The following NWD2 variants were observed in gnomAD, a reference collection of about 807,000 sequenced individuals.
NWD2 encodes the protein NACHT and WD repeat domain containing 2, also known as NACHT and WD repeat domain-containing protein 2.
NWD2 carries 37 observed loss-of-function variants against 132.7 expected under a neutral mutation model. The ratio of observed to expected loss-of-function variants is 0.28; its 90% CI spans 0.21 to 0.37. NWD2 has a LOEUF of 0.37. Among genes scored for constraint, NWD2 ranks in the 10% least tolerant of loss-of-function variants. NWD2 has a pLI of 1.00. For synonymous variants in NWD2, 705 were observed against 803.0 expected, an observed-to-expected ratio of 0.88 and a Z score of 2.06; for missense variants, 1,592 against 2,122.4, an observed-to-expected ratio of 0.75 and a Z score of 4.91.
intron 3 of NWD2, among the ~76,000 whole-genome samples, chr4:37,422,056 C>T (rs1243088350): frequency 6.6e-6 from 1 of 152,166 alleles, no homozygotes; most frequent in Non-Finnish European, 1.5e-5. Flanking sequence ...TAACCTTAAT[C>T]ACCTCCTTGA....
chr4:37,355,768 G>T (rs978416087), intron 2 of NWD2, among the ~76,000 whole-genome samples: 4 of 152,120 alleles, frequency 2.6e-5, no homozygotes, highest in African/African-American at 9.7e-5. Context: ...TCACTTTTCT[G>T]TAAGGCATAC....
intron 3 of NWD2, among the ~76,000 whole-genome samples, chr4:37,369,896 G>A (rs1720181212): frequency 6.6e-6 from 1 of 152,118 alleles, no homozygotes; most frequent in Non-Finnish European, 1.5e-5. Context: ...CACAGATATG[G>A]GATGGCTTTG....
Position 37,443,797 on chromosome 4 carries a change from A to G in NWD2, c.1809A>G (p.Ala603=), listed in dbSNP as rs377712776. The G allele has an allele frequency of 7.7e-6, 12 of 1,552,010 alleles. No individual in the cohort carries two copies. In the African/African-American group the frequency reaches 1.2e-4, roughly 16 times the overall value. Residue 603 remains alanine (A), a synonymous_variant, in exon 7 of 7, where the codon GCA becomes GCG. Coordinates refer to ENST00000309447, the MANE Select transcript of NWD2 (RefSeq NM_001144990.2). The surrounding 1 kb of genome is among the most constrained non-coding windows in gnomAD (Gnocchi z 4.1). ...GCCAGCAGATTTATGTGAACAATGC[A>G]TTATCCAAGTGCACACTGCCAATGT... The part of the protein sequence containing the change: ...TSGQQIYVNN[A]LSKCTLPMFV...
chr4:37,355,222 A>G (rs1719848993), intron 2 of NWD2, among the ~76,000 whole-genome samples: 1 of 152,206 alleles, frequency 6.6e-6, no homozygotes, highest in African/African-American at 2.4e-5. Flanking sequence ...GTATTGTGTG[A>G]TTAAACTTTG....
chr4:37,343,618 C>T (rs942226768), intron 2 of NWD2, among the ~76,000 whole-genome samples: 1 of 152,118 alleles, frequency 6.6e-6, no homozygotes, highest in African/African-American at 2.4e-5. Context: ...GTTTTCAAAA[C>T]TCAGTCATAT....
At chr4:37,420,288 T>C (rs1711767814) in intron 3 of NWD2, among the ~76,000 whole-genome samples, 1 of 152,230 alleles carries the variant, frequency 6.6e-6, no homozygotes, top group Non-Finnish European at 1.5e-5. Context: ...CCTCTGCTTC[T>C]GTAGCCTAGC....
At chr4:37,423,140 A>G (rs899231213) in intron 3 of NWD2, among the ~76,000 whole-genome samples, 6 of 152,230 alleles carry the variant, frequency 3.9e-5, no homozygotes, top group African/African-American at 1.4e-4. Flanking sequence ...AACCCTGCAT[A>G]CAAGCGTGTA....
At chr4:37,423,660 G>A (rs1711895194) in intron 3 of NWD2, among the ~76,000 whole-genome samples, 1 of 152,138 alleles carries the variant, frequency 6.6e-6, no homozygotes, top group African/African-American at 2.4e-5. Context: ...ATACCCAGTT[G>A]GGAAGGGCCA....
chr4:37,330,690 T>G (rs1167145788), intron 2 of NWD2, among the ~76,000 whole-genome samples: 1 of 152,210 alleles, frequency 6.6e-6, no homozygotes, highest in Non-Finnish European at 1.5e-5. Context: ...TGTTTGTTTT[T>G]AAGTCCCCAG....
At position 37,439,390 on chromosome 4, in the gene NWD2, G is replaced by A; in HGVS notation, c.1296G>A (p.Lys432=). 1 of 1,439,624 alleles carries A rather than the reference G, an allele frequency of 6.9e-7. No individual in the cohort carries two copies. The highest frequency in any genetic ancestry group is 9.2e-7 in the Non-Finnish European group (1 of 1,089,760). The allele number at this position is 1,439,624 out of a possible 1,614,324, so 89.2% of individuals were successfully genotyped here. The change falls in exon 6 of 7, where the codon AAG becomes AAA. Residue 432 remains lysine (K), a splice_region_variant and synonymous_variant. Transcript: ENST00000309447. The surrounding 1 kb of genome is among the most constrained non-coding windows in gnomAD (Gnocchi z 4.5). ...TTCTGCTAGCTGAAGTAGCAAAGAA[G>A]GTAAAAGCCTATTCTTTCCCGTGTA... ...KTLLLAEVAK[K]AYGWLHEDTG...
At chr4:37,250,860 A>G (rs1717343314) in intron 1 of NWD2, among the ~76,000 whole-genome samples, 1 of 152,228 alleles carries the variant, frequency 6.6e-6, no homozygotes, top group African/African-American at 2.4e-5. Flanking sequence ...CGTAGGTCAT[A>G]TGGTAAAGCC....
intron 4 of NWD2, among the ~76,000 whole-genome samples, chr4:37,431,397 T>G (rs1220246469): frequency 6.6e-6 from 1 of 152,230 alleles, no homozygotes; most frequent in African/African-American, 2.4e-5. Flanking sequence ...GAGGACATTA[T>G]GCTAAGTGAA....
chr4:37,358,732 T>C (rs753786484), intron 3 of NWD2, among the ~76,000 whole-genome samples: 14 of 152,182 alleles, frequency 9.2e-5, no homozygotes, highest in Admixed American at 2.0e-4. Flanking sequence ...TTTTATAGTA[T>C]TTCACACATA....
At chr4:37,254,898 C>G (rs1717482047) in intron 1 of NWD2, among the ~76,000 whole-genome samples, 2 of 152,110 alleles carry the variant, frequency 1.3e-5, no homozygotes, top group Non-Finnish European at 2.9e-5. Context: ...TGTATTATTC[C>G]TAGAGTATTA....
chr4:37,287,744 C>G (rs916444665), intron 1 of NWD2, among the ~76,000 whole-genome samples: 1 of 152,312 alleles, frequency 6.6e-6, no homozygotes, highest in South Asian at 2.1e-4. Context: ...GCAGCCCAGA[C>G]AAGTGGATTT....
intron 3 of NWD2, among the ~76,000 whole-genome samples, chr4:37,370,954 C>G (rs1458656723): frequency 6.6e-6 from 1 of 151,974 alleles, no homozygotes; most frequent in Non-Finnish European, 1.5e-5. Flanking sequence ...ACTTGGTACC[C>G]CCACACAGAC....
chr4:37,406,029 G>A (rs1023518492), intron 3 of NWD2, among the ~76,000 whole-genome samples: 6 of 150,734 alleles, frequency 4.0e-5, no homozygotes, highest in Admixed American at 6.7e-5. Context: ...TTATCATAAG[G>A]GTTATGAAAA....
At chr4:37,373,401 T>C (rs1244387675) in intron 3 of NWD2, among the ~76,000 whole-genome samples, 2 of 152,216 alleles carry the variant, frequency 1.3e-5, no homozygotes, top group Non-Finnish European at 2.9e-5. Context: ...TTGCTGTATA[T>C]GTACAGCTTT....
At chr4:37,424,835 A>G (rs369766166) in intron 3 of NWD2, among the ~76,000 whole-genome samples, 1 of 152,196 alleles carries the variant, frequency 6.6e-6, no homozygotes, top group Non-Finnish European at 1.5e-5. Context: ...CACCTTCAAG[A>G]ATACTTATTC....
Sources: allele counts gnomAD v4.1 joint callset (sites outside exome capture counted in the v4.1 genomes callset), GRCh38; gene constraint gnomAD v4.1.1; non-coding constraint Gnocchi (gnomAD v3.1); transcripts MANE v1.5; gene names NCBI Gene and HGNC (gene_info 2026-07-23, HGNC 2026-07-21).